Variants in ZNF385D observed in about 807,000 individuals in gnomAD.
ZNF385D encodes the protein zinc finger protein 385D.
In ZNF385D, 15 loss-of-function variants were observed where a neutral mutation model predicts 35.8. That is an observed-to-expected ratio of 0.42 (90% CI 0.28 to 0.64). ZNF385D has a LOEUF of 0.64. Among genes scored for constraint, ZNF385D ranks in the 30% least tolerant of loss-of-function variants. The probability of loss-of-function intolerance (pLI) is 0.23; values close to 1 mark genes in which losing one functional copy is unlikely to be tolerated. For synonymous variants in ZNF385D, 212 were observed against 186.8 expected (o/e 1.13, Z -1.10); for missense variants, 474 against 494.6 (o/e 0.96, Z 0.39).
rs192345646 is a variant in ZNF385D, at chr3:21,623,273, G to A, written c.165+41613C>T. Among the ~76,000 whole-genome samples the A allele has an allele frequency of 4.6e-5, 7 of 152,130 alleles. 1 individual carries two copies. The highest frequency in any genetic ancestry group is 2.6e-4 in the Admixed American group (4 of 15,262). Reference sequence around the variant, plus strand: ...AATTGATACAAGCTCCTATTTTATCGTAAGTCATAAAATGATGTTTGGCAT... The same window carrying A: ...AATTGATACAAGCTCCTATTTTATCATAAGTCATAAAATGATGTTTGGCAT... On this transcript the variant is annotated intron_variant, in intron 2 of 7. Transcript: ENST00000281523.
Position 22,337,652 on chromosome 3 carries a change from G to A in ZNF385D, c.106+34798C>T, listed in dbSNP as rs568200319. 4.6e-5 allele frequency among the ~76,000 whole-genome samples: 7 copies of A among 152,302 alleles called. No individual in the cohort carries two copies. In the East Asian group the frequency reaches 1.4e-3, roughly 29 times the overall value. ...GAAAAGTAGATAGACTTGACATAGA[G>A]TTTAGAAATGTTTGCCTGATACTAA... On this transcript the variant is annotated intron_variant, in intron 2 of 5. Coordinates refer to the ZNF385D transcript ENST00000494108.
chr3:22,288,908 A>G (rs776721003), intron 2 of ZNF385D, among the ~76,000 whole-genome samples: 9 of 152,092 alleles, frequency 5.9e-5, no homozygotes, highest in South Asian at 4.1e-4. Flanking sequence ...GTGCCTCTCA[A>G]ATCTCTGTGT....
intron 3 of ZNF385D, among the ~76,000 whole-genome samples, chr3:22,085,399 C>A (rs1001287302): frequency 2.6e-5 from 4 of 152,078 alleles, no homozygotes; most frequent in Non-Finnish European, 4.4e-5. Context: ...GCGATATCAC[C>A]ACCGATCCCA....
intron 3 of ZNF385D, among the ~76,000 whole-genome samples, chr3:21,861,809 G>T (rs901178904): frequency 6.6e-6 from 1 of 152,044 alleles, no homozygotes; most frequent in African/African-American, 2.4e-5. Context: ...CAGTGTCTTT[G>T]GTTGAAGTAA....
chr3:21,661,266 A>T (rs913050856), intron 2 of ZNF385D, among the ~76,000 whole-genome samples: 1 of 152,132 alleles, frequency 6.6e-6, no homozygotes, highest in African/African-American at 2.4e-5. Context: ...CCATACAGCC[A>T]TTTGCTCCTG....
intron 3 of ZNF385D, among the ~76,000 whole-genome samples, chr3:22,137,898 C>A (rs1188012499): frequency 6.6e-6 from 1 of 152,042 alleles, no homozygotes; most frequent in African/African-American, 2.4e-5. Flanking sequence ...TTGCAGATGA[C>A]ATGATTGTAT....
At chr3:21,424,303 A>ATATATATATACT (rs1700894879) in intron 6 of ZNF385D, among the ~76,000 whole-genome samples, 3 of 62,596 alleles carry the variant, frequency 4.8e-5, no homozygotes, top group African/African-American at 6.4e-5. Context: ...ATATATATTT[A>ATATATATATACT]TATATATATA....
intron 2 of ZNF385D, among the ~76,000 whole-genome samples, chr3:22,227,294 C>T (rs1698620138): frequency 6.6e-6 from 1 of 151,984 alleles, no homozygotes; most frequent in South Asian, 2.1e-4. Flanking sequence ...CATAAGCAGG[C>T]CTCAGAAAAC....
intron 3 of ZNF385D, among the ~76,000 whole-genome samples, chr3:21,908,021 T>C (rs1190578767): frequency 1.3e-5 from 2 of 152,106 alleles, no homozygotes; most frequent in African/African-American, 2.4e-5. Flanking sequence ...AGATACCATA[T>C]TCAACATGAA....
intron 3 of ZNF385D, among the ~76,000 whole-genome samples, chr3:22,018,065 ATAAT>A (rs1008482234): frequency 7.9e-5 from 12 of 151,856 alleles, no homozygotes; most frequent in Non-Finnish European, 1.2e-4. Flanking sequence ...TTTGAAAATA[ATAAT>A]TAATTATTTT....
intron 2 of ZNF385D, among the ~76,000 whole-genome samples, chr3:22,309,480 C>T (rs1029916562): frequency 6.6e-6 from 1 of 151,948 alleles, no homozygotes; most frequent in Non-Finnish European, 1.5e-5. Context: ...TTTGTCTCGA[C>T]TATATAGAGA....
intron 3 of ZNF385D, among the ~76,000 whole-genome samples, chr3:21,983,317 C>A: frequency 8.1e-6 from 1 of 123,126 alleles, no homozygotes. Flanking sequence ...CTCCCCCCTC[C>A]CCCCACCACA....
rs561115997 is a variant in ZNF385D, at chr3:21,421,826, T to A, written c.955-379A>T. Among the ~76,000 whole-genome samples, 46 of 152,346 alleles carry A rather than the reference T, an allele frequency of 3.0e-4. No homozygotes were observed. In the South Asian group the frequency reaches 9.5e-3, roughly 32 times the overall value. On this transcript the variant is annotated intron_variant, in intron 7 of 7. Transcript: ENST00000281523. The stretch of plus-strand genomic sequence containing the variant: ...GAGCATATATTTCTAAAGGGATTTT[T>A]AATGCTGTCAAATGCCATTCGACTA...
chr3:21,665,093 C>T (rs2066364929), intron 1 of ZNF385D, 65 bp from the exon 2 acceptor site: 1 of 1,495,994 alleles, frequency 6.7e-7, no homozygotes, highest in Non-Finnish European at 8.9e-7. Flanking sequence ...ACCAAAGTTG[C>T]TTTTGAGACA....
rs191495468 is a variant in ZNF385D, at chr3:21,629,710, C to T, written c.165+35176G>A. On this transcript the variant is annotated intron_variant, in intron 2 of 7. Transcript: ENST00000281523. Reference sequence around the variant, plus strand: ...GGGCTACTCTTTTAAGCTCTGTTTGCCACTGGTTCCCATGGTTTACCAGAG... The same window carrying T: ...GGGCTACTCTTTTAAGCTCTGTTTGTCACTGGTTCCCATGGTTTACCAGAG... Among the ~76,000 whole-genome samples, 382 of 152,212 alleles carry T rather than the reference C, an allele frequency of 2.5e-3. 3 individuals are homozygous for T. The highest frequency in any genetic ancestry group is 8.7e-3 in the African/African-American group (362 of 41,556).
At chr3:22,031,646 G>T (rs1022340255) in intron 3 of ZNF385D, among the ~76,000 whole-genome samples, 4 of 152,132 alleles carry the variant, frequency 2.6e-5, no homozygotes, top group African/African-American at 9.7e-5. Context: ...GATTGGAGGG[G>T]CTGCTGAGAA....
chr3:21,554,702 C>T lies in ZNF385D; in HGVS notation c.276+9872G>A, dbSNP rs118124570. Reference sequence around the variant, plus strand: ...GGGTAGTGTAGCCATCTTTTTTCAGCGGCCTTAACTGGATCTTCTGGATTA... The same window carrying T: ...GGGTAGTGTAGCCATCTTTTTTCAGTGGCCTTAACTGGATCTTCTGGATTA... On this transcript the variant is annotated intron_variant, in intron 3 of 7. Transcript: ENST00000281523. Among the ~76,000 whole-genome samples, 42 of 152,218 alleles carry T rather than the reference C, an allele frequency of 2.8e-4. No individual in the cohort carries two copies. The East Asian group carries it at 6.6e-3, about 24-fold the overall frequency.
At chr3:22,008,768 T>C (rs1696380383) in intron 3 of ZNF385D, among the ~76,000 whole-genome samples, 1 of 152,058 alleles carries the variant, frequency 6.6e-6, no homozygotes, top group African/African-American at 2.4e-5. Context: ...GTAACAAGGA[T>C]TAAAATAGAG....
rs545011402 is a variant in ZNF385D, at chr3:21,934,488, G to A, written c.325+234329C>T. 1.3e-4 allele frequency among the ~76,000 whole-genome samples: 20 copies of A among 152,234 alleles called. No individual in the cohort carries two copies. The East Asian group carries it at 1.9e-3, about 15-fold the overall frequency. ...TGAGGTTAGTAATAATAATTACACC[G>A]TTAAATATTCACTGTGTAAAGATCT... is the stretch of plus-strand genomic sequence containing the variant. On this transcript the variant is annotated intron_variant, in intron 3 of 5. Coordinates refer to the ZNF385D transcript ENST00000494108.
Sources: allele counts gnomAD v4.1 joint callset (sites outside exome capture counted in the v4.1 genomes callset), GRCh38; gene constraint gnomAD v4.1.1; transcripts MANE v1.5; gene names NCBI Gene and HGNC (gene_info 2026-07-23, HGNC 2026-07-21).